The following C10orf143 variants were observed in gnomAD, a reference collection of about 807,000 sequenced individuals.
C10orf143 encodes the protein chromosome 10 open reading frame 143.
At chr10:130,107,681 T>C in intron 1 of C10orf143, 1 of 1,292,174 alleles carries the variant, frequency 7.7e-7, no homozygotes, top group African/African-American at 1.5e-5. Flanking sequence ...ACTCAGACTC[T>C]CACCTTTGCC....
At position 130,089,379 on chromosome 10, in the gene C10orf143, T is replaced by C. The variant is rs1177277525; in HGVS notation, c.70-9478A>G. On this transcript the variant is annotated intron_variant, in intron 1 of 3. Coordinates refer to ENST00000637128, the MANE Select transcript of C10orf143 (RefSeq NM_001355042.2). ...CATTTATAGAAAACTAGTTTAGATGTTTCCACATTTGTTATTTCATTTGAT... is the reference window on the plus strand; with the variant it reads ...CATTTATAGAAAACTAGTTTAGATGCTTCCACATTTGTTATTTCATTTGAT... Among the ~76,000 whole-genome samples the C allele has an allele frequency of 2.0e-5, 3 of 152,348 alleles. No homozygotes were observed. In the East Asian group the frequency reaches 5.8e-4, roughly 29 times the overall value.
intron 1 of C10orf143, among the ~76,000 whole-genome samples, chr10:130,081,654 C>CA (rs1470689344): frequency 1.3e-5 from 2 of 150,382 alleles, no homozygotes; most frequent in African/African-American, 4.9e-5. Flanking sequence ...TTAACAAAAA[C>CA]AAAAAAACAG....
chr10:130,092,128 T>C (rs533761844), intron 1 of C10orf143, among the ~76,000 whole-genome samples: 1 of 152,124 alleles, frequency 6.6e-6, no homozygotes, highest in East Asian at 1.9e-4. Context: ...TTCACTAAGA[T>C]TGAAATGAAG....
At chr10:130,051,029 T>C (rs1860731251) in intron 3 of C10orf143, among the ~76,000 whole-genome samples, 6 of 152,166 alleles carry the variant, frequency 3.9e-5, no homozygotes, top group Admixed American at 3.9e-4. Context: ...GTCCTTAGAT[T>C]CCACTGCTAA....
intron 1 of C10orf143, among the ~76,000 whole-genome samples, chr10:130,089,178 G>C (rs185554891): frequency 6.6e-6 from 1 of 152,150 alleles, no homozygotes; most frequent in East Asian, 1.9e-4. Context: ...CTTCTACTTT[G>C]ATTCTGAAAA....
At chr10:130,047,702 C>G (rs151265831) in intron 3 of C10orf143, among the ~76,000 whole-genome samples, 1 of 152,198 alleles carries the variant, frequency 6.6e-6, no homozygotes, top group East Asian at 1.9e-4. Flanking sequence ...ACCCAGGCCA[C>G]GTGACCCTAG....
rs775813927 is a variant in C10orf143, at chr10:130,107,640, T to C, written c.69+3064A>G. 4 of 1,330,696 alleles carry C rather than the reference T, an allele frequency of 3.0e-6. No individual in the cohort carries two copies. The Admixed American group carries it at 5.1e-5, about 17-fold the overall frequency. 82.4% of individuals were successfully genotyped at this position (1,330,696 alleles called of 1,614,324 possible). A position where few individuals can be genotyped will look rare whatever the true frequency, so the allele number is the denominator to read the frequency against. ...CGGCCTTCATCTGAAACGAGAGCTTTTCTCTCTCCCGCAACTCTGTTGGAG... is the reference window on the plus strand; with the variant it reads ...CGGCCTTCATCTGAAACGAGAGCTTCTCTCTCTCCCGCAACTCTGTTGGAG... On this transcript the variant is annotated intron_variant, in intron 1 of 3. Coordinates refer to ENST00000637128, the MANE Select transcript of C10orf143 (RefSeq NM_001355042.2).
intron 1 of C10orf143, among the ~76,000 whole-genome samples, chr10:130,095,130 C>T (rs1055132650): frequency 2.6e-5 from 4 of 151,800 alleles, no homozygotes; most frequent in African/African-American, 7.3e-5. Context: ...TTCACAATTG[C>T]TACAAAGAGA....
intron 3 of C10orf143, among the ~76,000 whole-genome samples, chr10:130,077,164 C>A (rs954104594): frequency 6.6e-6 from 1 of 152,044 alleles, no homozygotes; most frequent in Non-Finnish European, 1.5e-5. Flanking sequence ...CAGAATGAGT[C>A]AACAGAAATA....
In C10orf143 at chr10:130,049,575, G is replaced by A. The variant is rs144793737; in HGVS notation, c.298-13605C>T. Among the ~76,000 whole-genome samples, 423 of 152,290 alleles carry A rather than the reference G, an allele frequency of 2.8e-3. 1 individual carries two copies. Among genetic ancestry groups the A allele is most frequent in the African/African-American group, 9.4e-3 (389 of 41,568 alleles). Reference sequence around the variant, plus strand: ...GGTCCTGGGCAGGGGCTTGGGGACCGGAGCCCCCACTCAGACCGGTGGGTG... The same window carrying A: ...GGTCCTGGGCAGGGGCTTGGGGACCAGAGCCCCCACTCAGACCGGTGGGTG... On this transcript the variant is annotated intron_variant and NMD_transcript_variant, in intron 3 of 5. Coordinates refer to the C10orf143 transcript ENST00000643056.
chr10:130,059,316 T>C (rs1419150074), downstream of C10orf143, among the ~76,000 whole-genome samples: 1 of 152,090 alleles, frequency 6.6e-6, no homozygotes, highest in Non-Finnish European at 1.5e-5. Flanking sequence ...GCAAATGATA[T>C]ATAAATATCA....
chr10:130,095,721 G>C (rs773312141), intron 1 of C10orf143, among the ~76,000 whole-genome samples: 1 of 90,824 alleles, frequency 1.1e-5, no homozygotes. Flanking sequence ...AATAGTGTTG[G>C]GAAGACTGGC....
At chr10:130,041,094 G>A (rs1393681664) in intron 3 of C10orf143, among the ~76,000 whole-genome samples, 1 of 152,238 alleles carries the variant, frequency 6.6e-6, no homozygotes, top group East Asian at 1.9e-4. Context: ...CCACTGAAGG[G>A]CAGGTGGGTT....
intron 3 of C10orf143, among the ~76,000 whole-genome samples, chr10:130,072,356 T>C (rs1217465729): frequency 6.6e-6 from 1 of 151,496 alleles, no homozygotes; most frequent in African/African-American, 2.4e-5. Flanking sequence ...TACTCAAACA[T>C]TCTCTAAAGT....
rs571702650 is a variant in C10orf143, at chr10:130,053,456, CTG to C, written c.298-17488_298-17487del. Among the ~76,000 whole-genome samples, 22 of 152,278 alleles carry C rather than the reference CTG, an allele frequency of 1.4e-4. No individual in the cohort carries two copies. The South Asian group carries it at 4.6e-3, about 32-fold the overall frequency. ...TGTTTTTTAAGCCGCTAAAACAAAA[CTG>C]TTATTCATTAAGGTTTTTGGGACCA... On this transcript the variant is annotated intron_variant and NMD_transcript_variant, in intron 3 of 5. Transcript: ENST00000643056.
chr10:130,086,745 CCTCTTTT>C (rs1861297600), intron 1 of C10orf143, among the ~76,000 whole-genome samples: 1 of 152,240 alleles, frequency 6.6e-6, no homozygotes, highest in Non-Finnish European at 1.5e-5. Context: ...TATTTCCCTT[CCTCTTTT>C]CTCAATAACA....
chr10:130,046,815 T>C (rs2134728400), intron 3 of C10orf143, among the ~76,000 whole-genome samples: 1 of 152,334 alleles, frequency 6.6e-6, no homozygotes, highest in South Asian at 2.1e-4. Context: ...ATGCAGCGCC[T>C]AGGCCTAACT....
At chr10:130,083,097 C>T (rs567546735) in intron 1 of C10orf143, among the ~76,000 whole-genome samples, 1 of 151,770 alleles carries the variant, frequency 6.6e-6, no homozygotes, top group Non-Finnish European at 1.5e-5. Flanking sequence ...AAAAAAGGAC[C>T]AAAAACCTGA....
At chr10:130,053,058 T>TTTTGTTTG (rs3041743) in intron 3 of C10orf143, among the ~76,000 whole-genome samples, 56 of 151,072 alleles carry the variant, frequency 3.7e-4, no homozygotes, top group Middle Eastern at 3.4e-3. Flanking sequence ...TCTAAGTGTT[T>TTTTGTTTG]TTTGTTTGTT....
Sources: allele counts gnomAD v4.1 joint callset (sites outside exome capture counted in the v4.1 genomes callset), GRCh38; gene constraint gnomAD v4.1.1; transcripts MANE v1.5; gene names NCBI Gene and HGNC (gene_info 2026-07-23, HGNC 2026-07-21).